DEFB118: variants seen among roughly 807,000 people sequenced by gnomAD.
DEFB118 encodes the protein defensin, beta 18.
In DEFB118, 3 loss-of-function variants were observed where a neutral mutation model predicts 2.8. The observed-to-expected ratio is 1.09, with a 90% CI of 0.50 to 2.82. DEFB118 has a LOEUF of 2.82. Ranked by LOEUF, DEFB118 falls within the 30% of genes most tolerant of loss-of-function variation. The probability of loss-of-function intolerance (pLI) is 0.04; values close to 1 mark genes in which losing one functional copy is unlikely to be tolerated. For missense variants in DEFB118, 159 were observed against 144.6 expected (o/e 1.10, Z -0.51); for synonymous variants, 63 against 53.5 (o/e 1.18, Z -0.78).
chr20:31,371,834 C>T (rs1986215104), intron 1 of DEFB118, among the ~76,000 whole-genome samples: 1 of 152,114 alleles, frequency 6.6e-6, no homozygotes, highest in East Asian at 1.9e-4. Context: ...CATCCCTCCC[C>T]CTCCTCTTAC....
In DEFB118 at chr20:31,370,159, T is replaced by C. The variant is rs145926310; in HGVS notation, c.58+1451T>C. Among the ~76,000 whole-genome samples the C allele has an allele frequency of 1.2e-4, 18 of 152,228 alleles. No individual in the cohort carries two copies. The East Asian group carries it at 3.5e-3, about 30-fold the overall frequency. ...TTCCCAGGGACCATGAAACTCCTGC[T>C]GCTGGCTCTTCCTATGCTTGTGTTC... On this transcript the variant is annotated intron_variant, in intron 1 of 1. Transcript: ENST00000253381.
chr20:31,373,090 A>C lies in DEFB118; in HGVS notation c.292A>C (p.Ser98Arg), dbSNP rs1379363893. The C allele has an allele frequency of 1.2e-6, 2 of 1,614,238 alleles. No homozygotes were observed. Among genetic ancestry groups the C allele is most frequent in the Non-Finnish European group, 1.7e-6 (2 of 1,180,044 alleles). Residue 98 changes from serine (S) to arginine (R), a missense_variant, in exon 2 of 2, where the codon AGC (serine) becomes CGC (arginine). Ser to Arg is a moderately radical substitution (Grantham distance 110). Coordinates refer to ENST00000253381, the MANE Select transcript of DEFB118 (RefSeq NM_054112.3). Reference sequence around the variant, plus strand: ...CACGACAGACTACTTTGAAGTAAGCAGCAAGAAAGATATGGTTGAAGAGTC... The same window carrying C: ...CACGACAGACTACTTTGAAGTAAGCCGCAAGAAAGATATGGTTGAAGAGTC... ...RFTTDYFEVS[S>R]KKDMVEESEA...
intron 1 of DEFB118, among the ~76,000 whole-genome samples, chr20:31,369,546 T>C (rs1986177666): frequency 6.6e-6 from 1 of 152,142 alleles, no homozygotes; most frequent in Non-Finnish European, 1.5e-5. Flanking sequence ...TGCACCATCA[T>C]GTCCGACTAA....
Position 31,372,962 on chromosome 20 carries a change from G to A in DEFB118, c.164G>A (p.Cys55Tyr), listed in dbSNP as rs759170313. The A allele has an allele frequency of 1.8e-5, 29 of 1,614,180 alleles. No individual in the cohort carries two copies. The highest frequency in any genetic ancestry group is 2.5e-5 in the Non-Finnish European group (29 of 1,180,042). Residue 55 changes from cysteine (C) to tyrosine (Y), a missense_variant, in exon 2 of 2, where the codon TGC becomes TAC. Coordinates refer to ENST00000253381, the MANE Select transcript of DEFB118 (RefSeq NM_054112.3). ...ACATGCAAAAATCTTCGAGCTTGCT[G>A]CATTCCATCCAATGAAGACCACAGG... ...KDTCKNLRAC[C>Y]IPSNEDHRRV... is the part of the protein sequence containing the mutation.
intron 1 of DEFB118, among the ~76,000 whole-genome samples, chr20:31,371,290 T>A (rs1043322011): frequency 2.6e-5 from 4 of 152,026 alleles, no homozygotes; most frequent in African/African-American, 9.7e-5. Flanking sequence ...TCTCTCTTCC[T>A]TCTCAAACCT....
At chr20:31,370,657 A>G (rs1986196932) in intron 1 of DEFB118, among the ~76,000 whole-genome samples, 1 of 152,226 alleles carries the variant, frequency 6.6e-6, no homozygotes, top group African/African-American at 2.4e-5. Flanking sequence ...CTACCCTCTC[A>G]CCGAAAATAC....
chr20:31,368,865 G>A (rs1986163292), intron 1 of DEFB118, among the ~76,000 whole-genome samples, 157 bp downstream of exon 1: 1 of 152,218 alleles, frequency 6.6e-6, no homozygotes. Context: ...AGTAGAGCAA[G>A]TTATCCTCAA....
intron 1 of DEFB118, 150 bp downstream of exon 1, chr20:31,368,858 A>C: frequency 1.4e-6 from 1 of 697,620 alleles, no homozygotes; most frequent in Non-Finnish European, 2.5e-6. Context: ...ACCTGGGAGT[A>C]GAGCAAGTTA....
chr20:31,371,469 C>A (rs1408762672), intron 1 of DEFB118, among the ~76,000 whole-genome samples: 1 of 150,640 alleles, frequency 6.6e-6, no homozygotes, highest in Non-Finnish European at 1.5e-5. Context: ...TACTTTTTTT[C>A]TTTTTCTTTT....
chr20:31,370,024 C>T (rs1375126449), intron 1 of DEFB118, among the ~76,000 whole-genome samples: 1 of 152,126 alleles, frequency 6.6e-6, no homozygotes, highest in Admixed American at 6.5e-5. Flanking sequence ...CCTCTGCCCT[C>T]ATTGCAGAGA....
chr20:31,373,596 C>T lies in DEFB118; in HGVS notation c.*426C>T, dbSNP rs2122274575. 5.9e-6 allele frequency: 1 copy of T among 170,838 alleles called. No individual in the cohort carries two copies. Among genetic ancestry groups the T allele is most frequent in the East Asian group, 1.5e-4 (1 of 6,486 alleles). 10.6% of individuals were successfully genotyped at this position (170,838 alleles called of 1,614,324 possible). A position where few individuals can be genotyped will look rare whatever the true frequency, so the allele number is the denominator to read the frequency against. On this transcript the variant is annotated 3_prime_UTR_variant, in exon 2 of 2. Coordinates refer to ENST00000253381, the MANE Select transcript of DEFB118 (RefSeq NM_054112.3). ...GACACTAAAAGCTTTTTTTCTAGAA[C>T]AGGAGACACTTCAGGTGAAAGCATT...
intron 1 of DEFB118, 39 bp downstream of exon 1, chr20:31,368,747 A>AG (rs762328365): frequency 1.1e-5 from 18 of 1,594,952 alleles, no homozygotes; most frequent in Non-Finnish European, 1.5e-5. Context: ...ATAGAGGTAT[A>AG]GTGGGTTCTG....
In DEFB118 at chr20:31,373,557, A is replaced by G. The variant is rs577247336; in HGVS notation, c.*387A>G. 5 of 195,180 alleles carry G rather than the reference A, an allele frequency of 2.6e-5. No homozygotes were observed. The highest frequency in any genetic ancestry group is 1.2e-4 in the African/African-American group (5 of 42,984). The allele number at this position is 195,180 out of a possible 1,614,324, so 12.1% of individuals were successfully genotyped here. On this transcript the variant is annotated 3_prime_UTR_variant, in exon 2 of 2. Transcript: ENST00000253381. The stretch of plus-strand genomic sequence containing the variant: ...AAAATTCTAAATCTTTGCATCTGTG[A>G]GAGTAGCTACTATGACACTAAAAGC...
chr20:31,369,406 T>TTG (rs1453304349), intron 1 of DEFB118, among the ~76,000 whole-genome samples: 3 of 137,556 alleles, frequency 2.2e-5, no homozygotes, highest in African/African-American at 7.6e-5. Context: ...TTTTTTTTTT[T>TTG]GAAGATGGAA....
chr20:31,370,298 C>T (rs1568724691), intron 1 of DEFB118, among the ~76,000 whole-genome samples: 1 of 152,186 alleles, frequency 6.6e-6, no homozygotes, highest in East Asian at 1.9e-4. Context: ...TCTTCAGTTA[C>T]AATTCCAGAC....
intron 1 of DEFB118, among the ~76,000 whole-genome samples, chr20:31,371,232 C>T (rs551875488): frequency 1.3e-5 from 2 of 152,236 alleles, no homozygotes; most frequent in East Asian, 1.9e-4. Context: ...CTTGCTGCTT[C>T]CTCTGCCTGA....
chr20:31,373,232 A>C lies in DEFB118; in HGVS notation c.*62A>C. 1 of 1,482,412 alleles carries C rather than the reference A, an allele frequency of 6.7e-7. No individual in the cohort carries two copies. Among genetic ancestry groups the C allele is most frequent in the East Asian group, 2.3e-5 (1 of 43,924 alleles). The allele number at this position is 1,482,412 out of a possible 1,614,324, so 91.8% of individuals were successfully genotyped here. A position where few individuals can be genotyped will look rare whatever the true frequency, so the allele number is the denominator to read the frequency against. Reference sequence around the variant, plus strand: ...TGATAAACTAAGTCACATACAGATAAAGCACTGAAAACACCACAGTGACCC... The same window carrying C: ...TGATAAACTAAGTCACATACAGATACAGCACTGAAAACACCACAGTGACCC... On this transcript the variant is annotated 3_prime_UTR_variant, in exon 2 of 2. Coordinates refer to ENST00000253381, the MANE Select transcript of DEFB118 (RefSeq NM_054112.3).
Position 31,372,918 on chromosome 20 carries a change from T to G in DEFB118, c.120T>G (p.Asp40Glu). Reference protein sequence around the residue: ...RSGHCRKQCKDGEAVKDTCKN... With the variant: ...RSGHCRKQCKEGEAVKDTCKN... ...GGCACTGCAGGAAACAATGCAAAGA[T>G]GGAGAAGCAGTGAAAGATACATGCA... Residue 40 changes from aspartate (D) to glutamate (E), a missense_variant, in exon 2 of 2, where the codon GAT becomes GAG. By Grantham distance (45) the Asp-to-Glu change is conservative. Transcript: ENST00000253381. The G allele has an allele frequency of 6.2e-7, 1 of 1,614,112 alleles. No individual in the cohort carries two copies.
At chr20:31,372,722 C>A in intron 1 of DEFB118, 135 bp from the exon 2 acceptor site, 3 of 674,994 alleles carry the variant, frequency 4.4e-6, no homozygotes, top group South Asian at 2.0e-5. Context: ...TTTGCCAGAC[C>A]TGAGGTGGGA....
Sources: gnomAD v4.1 joint callset for allele counts (sites outside exome capture counted in the v4.1 genomes callset) on GRCh38, gnomAD v4.1.1 for gene constraint, MANE v1.5 for transcripts, NCBI Gene and HGNC (gene_info 2026-07-23, HGNC 2026-07-21) for gene names.